Variants in IFFO2 observed in about 807,000 individuals in gnomAD.
IFFO2 encodes the protein intermediate filament family orphan 2.
A neutral mutation model predicts 53.5 loss-of-function variants in IFFO2; 19 were observed. The ratio of observed to expected loss-of-function variants is 0.36; its 90% CI spans 0.25 to 0.52. IFFO2 has a LOEUF of 0.52. IFFO2 is among the 20% of genes least tolerant of loss of function. The pLI, the probability that IFFO2 is intolerant of heterozygous loss-of-function variation, is 0.94. For missense variants in IFFO2, 570 were observed against 727.4 expected (o/e 0.78, Z 2.49); for synonymous variants, 303 against 313.6 (o/e 0.97, Z 0.36).
intron 1 of IFFO2, among the ~76,000 whole-genome samples, chr1:18,944,939 G>A (rs983250986): frequency 2.6e-5 from 4 of 152,206 alleles, no homozygotes; most frequent in East Asian, 1.9e-4. Flanking sequence ...GAGGAGGGAG[G>A]AGGGGACAAG....
In IFFO2 at chr1:18,956,671, G is replaced by C. The variant is rs958919000; in HGVS notation, c.-339C>G. 2 of 152,264 alleles carry C rather than the reference G, an allele frequency of 1.3e-5. No individual in the cohort carries two copies. Among genetic ancestry groups the C allele is most frequent in the Admixed American group, 6.5e-5 (1 of 15,290 alleles). 9.4% of individuals were successfully genotyped at this position (152,264 alleles called of 1,614,324 possible). On this transcript the variant is annotated 5_prime_UTR_variant, in exon 1 of 9. Coordinates refer to ENST00000455833, the MANE Select transcript of IFFO2 (RefSeq NM_001136265.2). The surrounding 1 kb of genome is among the most constrained non-coding windows in gnomAD (Gnocchi z 6.4). ...AGCCGCACGCAGAGGACTCTCGGCC[G>C]GCACTGCCCCTTCTGCGGCGGGCCC...
At chr1:18,954,506 C>T (rs1333080527) in intron 1 of IFFO2, among the ~76,000 whole-genome samples, 2 of 152,216 alleles carry the variant, frequency 1.3e-5, no homozygotes, top group East Asian at 3.8e-4. Context: ...AGGAAGGGTC[C>T]TTCTCAGTAC....
intron 7 of IFFO2, 141 bp from the exon 8 acceptor site, chr1:18,910,613 G>A (rs2024724): frequency 0.075 from 68,952 of 919,744 alleles, 3,355 homozygotes; most frequent in Admixed American, 0.18. Flanking sequence ...CCCTGCCTCC[G>A]GACATCAACC....
intron 5 of IFFO2, among the ~76,000 whole-genome samples, chr1:18,915,863 G>T (rs1475939466): frequency 2.0e-5 from 3 of 152,196 alleles, no homozygotes; most frequent in Non-Finnish European, 4.4e-5. Context: ...GGTAGCTCAT[G>T]CCAGTAATCC....
At chr1:18,920,081 G>A (rs1458811781) in intron 2 of IFFO2, among the ~76,000 whole-genome samples, 2 of 152,256 alleles carry the variant, frequency 1.3e-5, no homozygotes, top group Non-Finnish European at 2.9e-5. Flanking sequence ...GAAACTGCCA[G>A]TATTGGGCCA....
At position 18,950,835 on chromosome 1, in the gene IFFO2, C is replaced by T. The variant is rs115941959; in HGVS notation, c.665+4833G>A. On this transcript the variant is annotated intron_variant, in intron 1 of 8. Transcript: ENST00000455833. Reference sequence around the variant, plus strand: ...CCTTTTTGGAGTCCTCCATTCCAGCCGACAGCCCAGCCCCTTCCGGCTCAC... The same window carrying T: ...CCTTTTTGGAGTCCTCCATTCCAGCTGACAGCCCAGCCCCTTCCGGCTCAC... Among the ~76,000 whole-genome samples the T allele has an allele frequency of 7.7e-3, 1,166 of 152,274 alleles. 4 individuals carry two copies. Among genetic ancestry groups the T allele is most frequent in the Non-Finnish European group, 0.012 (826 of 68,036 alleles).
chr1:18,929,021 G>A (rs931030896), intron 1 of IFFO2, among the ~76,000 whole-genome samples: 14 of 152,158 alleles, frequency 9.2e-5, no homozygotes, highest in African/African-American at 9.7e-5. Flanking sequence ...GCATTCATTC[G>A]TTTGCCCCTC....
intron 5 of IFFO2, among the ~76,000 whole-genome samples, chr1:18,915,901 G>GAAGC: frequency 6.6e-6 from 1 of 151,904 alleles, no homozygotes; most frequent in Non-Finnish European, 1.5e-5. Flanking sequence ...GAGGTAGGCA[G>GAAGC]ATCACTGGAG....
Position 18,905,369 on chromosome 1 carries a change from A to T in IFFO2, c.*3192T>A, listed in dbSNP as rs1369383009. On this transcript the variant is annotated 3_prime_UTR_variant, in exon 9 of 9. Transcript: ENST00000455833. ...ATGCACCATGTCTCGTCCACAGGAAAATGCTGGGCTACCACAACTGCCTAC... is the reference window on the plus strand; with the variant it reads ...ATGCACCATGTCTCGTCCACAGGAATATGCTGGGCTACCACAACTGCCTAC... 1 of 152,204 alleles carries T rather than the reference A, an allele frequency of 6.6e-6. No homozygotes were observed. Among genetic ancestry groups the T allele is most frequent in the Non-Finnish European group, 1.5e-5 (1 of 68,034 alleles). 9.4% of individuals were successfully genotyped at this position (152,204 alleles called of 1,614,324 possible).
chr1:18,913,258 A>G (rs1936067225), intron 5 of IFFO2, among the ~76,000 whole-genome samples: 1 of 152,242 alleles, frequency 6.6e-6, no homozygotes, highest in Non-Finnish European at 1.5e-5. Flanking sequence ...CCATTCCCAC[A>G]GGAGCCCATA....
intron 1 of IFFO2, among the ~76,000 whole-genome samples, chr1:18,955,399 AAC>A (rs1936710818): frequency 6.6e-6 from 1 of 152,186 alleles, no homozygotes; most frequent in Non-Finnish European, 1.5e-5. Flanking sequence ...GATCGCATAA[AAC>A]ACAGACAGTT....
At chr1:18,948,689 A>G (rs1936621010) in intron 1 of IFFO2, among the ~76,000 whole-genome samples, 1 of 152,220 alleles carries the variant, frequency 6.6e-6, no homozygotes, top group Admixed American at 6.5e-5. Context: ...AACACCTCAC[A>G]GTCTGGCAAT....
chr1:18,934,960 C>A (rs533348031), intron 1 of IFFO2, among the ~76,000 whole-genome samples: 4 of 152,160 alleles, frequency 2.6e-5, no homozygotes, highest in African/African-American at 9.6e-5. Flanking sequence ...TCTGGGATAC[C>A]CAGATTGGGT....
Position 18,956,243 on chromosome 1 carries a change from G to GCCGCCC in IFFO2, c.84_89dup (p.Gly33_Gly34dup). The stretch of plus-strand genomic sequence containing the variant: ...GACCCGGCCCTGCCCCGCCGCCGCC[G>GCCGCCC]CCGCCCCCGCCAGGGCAGCCCCCGC... On this transcript the variant is annotated inframe_insertion, in exon 1 of 9. Coordinates refer to ENST00000455833, the MANE Select transcript of IFFO2 (RefSeq NM_001136265.2). The surrounding 1 kb of genome is among the most constrained non-coding windows in gnomAD (Gnocchi z 6.4). 8.5e-7 allele frequency: 1 copy of GCCGCCC among 1,169,834 alleles called. No homozygotes were observed. Among genetic ancestry groups the GCCGCCC allele is most frequent in the Non-Finnish European group, 1.1e-6 (1 of 921,894 alleles). 72.5% of individuals were successfully genotyped at this position (1,169,834 alleles called of 1,614,324 possible).
intron 5 of IFFO2, among the ~76,000 whole-genome samples, chr1:18,912,389 T>G (rs891755063): frequency 1.3e-5 from 2 of 152,206 alleles, no homozygotes; most frequent in African/African-American, 4.8e-5. Context: ...TTTTCCTCAT[T>G]CATTTAACAG....
intron 1 of IFFO2, among the ~76,000 whole-genome samples, chr1:18,931,339 G>T (rs753805391): frequency 6.6e-6 from 1 of 152,168 alleles, no homozygotes; most frequent in Non-Finnish European, 1.5e-5. Context: ...GGAGGAAATT[G>T]TCTCAACCAG....
chr1:18,938,055 G>A (rs778054340), intron 1 of IFFO2, among the ~76,000 whole-genome samples: 10 of 152,030 alleles, frequency 6.6e-5, no homozygotes, highest in Non-Finnish European at 7.4e-5. Flanking sequence ...AGAAGAAGCC[G>A]GCTTGGGGCA....
At chr1:18,926,057 G>A (rs1936289767) in intron 1 of IFFO2, among the ~76,000 whole-genome samples, 13 of 93,852 alleles carry the variant, frequency 1.4e-4, no homozygotes, top group East Asian at 6.9e-4. Context: ...GGATGGATTG[G>A]TTGGATGGAT....
Position 18,956,466 on chromosome 1 carries a change from C to G in IFFO2, c.-134G>C, listed in dbSNP as rs1936731136. 6.3e-6 allele frequency: 1 copy of G among 159,812 alleles called. No homozygotes were observed. Among genetic ancestry groups the G allele is most frequent in the Non-Finnish European group, 1.4e-5 (1 of 73,530 alleles). The allele number at this position is 159,812 out of a possible 1,614,324, so 9.9% of individuals were successfully genotyped here. On this transcript the variant is annotated 5_prime_UTR_variant, in exon 1 of 9. Transcript: ENST00000455833. The surrounding 1 kb of genome is among the most constrained non-coding windows in gnomAD (Gnocchi z 6.4). ...GGCCGGCCGGGCGGTTCCAGATGCGCGCCAGATGCGGCCTCCGCAGAGACG... is the reference window on the plus strand; with the variant it reads ...GGCCGGCCGGGCGGTTCCAGATGCGGGCCAGATGCGGCCTCCGCAGAGACG...
Sources: allele counts gnomAD v4.1 joint callset (sites outside exome capture counted in the v4.1 genomes callset), GRCh38; gene constraint gnomAD v4.1.1; non-coding constraint Gnocchi (gnomAD v3.1); transcripts MANE v1.5; gene names NCBI Gene and HGNC (gene_info 2026-07-23, HGNC 2026-07-21).